RBFOX1: variants seen among roughly 807,000 people sequenced by gnomAD.
The protein encoded by RBFOX1 is RNA binding fox-1 homolog 1.
Under a neutral mutation model 57.7 loss-of-function variants are expected in RBFOX1, and 8 were observed. That is an observed-to-expected ratio of 0.14 (90% CI 0.08 to 0.25). The LOEUF (loss-of-function observed/expected upper bound fraction) is 0.25, where lower values mean the gene tolerates loss of function less well. Among genes scored for constraint, RBFOX1 ranks in the 10% least tolerant of loss-of-function variants. RBFOX1 has a pLI of 1.00. For synonymous variants in RBFOX1, 326 were observed against 222.4 expected, an observed-to-expected ratio of 1.47 and a Z score of -4.15; for missense variants, 611 against 548.5, an observed-to-expected ratio of 1.11 and a Z score of -1.14.
In RBFOX1 at chr16:7,262,878, T is replaced by G. The variant is rs916228676; in HGVS notation, c.27+210780T>G. Among the ~76,000 whole-genome samples, 71 of 152,366 alleles carry G rather than the reference T, an allele frequency of 4.7e-4. 1 individual carries two copies. Among genetic ancestry groups the G allele is most frequent in the African/African-American group, 1.7e-3 (69 of 41,588 alleles). ...TCATAGATAGGACAAGAGAGAAAAC[T>G]TGTGTTCTTATTTGAAAGCCACAGC... is the stretch of plus-strand genomic sequence containing the variant. On this transcript the variant is annotated intron_variant, in intron 4 of 15. Coordinates refer to ENST00000550418, the MANE Select transcript of RBFOX1 (RefSeq NM_018723.4).
intron 4 of RBFOX1, among the ~76,000 whole-genome samples, chr16:7,380,089 C>G (rs938385475): frequency 6.6e-6 from 1 of 152,078 alleles, no homozygotes; most frequent in Admixed American, 6.6e-5. Context: ...AACTCTTGGC[C>G]TCAAGTAGTC....
intron 3 of RBFOX1, among the ~76,000 whole-genome samples, chr16:5,645,631 G>A (rs1294637578): frequency 6.6e-6 from 1 of 152,092 alleles, no homozygotes; most frequent in Non-Finnish European, 1.5e-5. Flanking sequence ...AATTTCCTTG[G>A]GAAAGATTCT....
At chr16:7,406,567 A>G (rs1438315315) in intron 4 of RBFOX1, among the ~76,000 whole-genome samples, 3 of 152,332 alleles carry the variant, frequency 2.0e-5, no homozygotes, top group South Asian at 2.1e-4. Context: ...AGAAGGAAAA[A>G]CAATTAAAAA....
At chr16:7,611,163 C>G (rs1199717518) in intron 10 of RBFOX1, among the ~76,000 whole-genome samples, 1 of 152,164 alleles carries the variant, frequency 6.6e-6, no homozygotes, top group East Asian at 1.9e-4. Flanking sequence ...CCCGTTGTCT[C>G]TCAGAATGAG....
intron 4 of RBFOX1, among the ~76,000 whole-genome samples, chr16:7,478,940 T>C (rs2063301505): frequency 6.6e-6 from 1 of 152,048 alleles, no homozygotes; most frequent in Non-Finnish European, 1.5e-5. Context: ...TCATTTCGTT[T>C]GTTCCCGTGC....
At chr16:5,509,631 G>A (rs2043508551) in intron 2 of RBFOX1, among the ~76,000 whole-genome samples, 1 of 152,180 alleles carries the variant, frequency 6.6e-6, no homozygotes, top group Non-Finnish European at 1.5e-5. Flanking sequence ...CATTTTCCAG[G>A]GAAGGCATTT....
chr16:6,986,956 C>T (rs1389499701), intron 3 of RBFOX1, among the ~76,000 whole-genome samples: 2 of 152,138 alleles, frequency 1.3e-5, no homozygotes, highest in African/African-American at 2.4e-5. Context: ...GCATTCCCTA[C>T]CCATGCTTTC....
At chr16:6,042,261 C>T (rs142844409) in intron 1 of RBFOX1, among the ~76,000 whole-genome samples, 1 of 151,892 alleles carries the variant, frequency 6.6e-6, no homozygotes, top group South Asian at 2.1e-4. Context: ...CCACCATGCC[C>T]AGTTAATTTT....
chr16:5,287,291 G>A (rs1295780521), intron 1 of RBFOX1, among the ~76,000 whole-genome samples: 2 of 151,930 alleles, frequency 1.3e-5, no homozygotes, highest in Admixed American at 6.6e-5. Flanking sequence ...GGCAAAGAGT[G>A]AGACCCCGTT....
chr16:6,746,646 T>C (rs2073729200), intron 3 of RBFOX1, among the ~76,000 whole-genome samples: 1 of 151,988 alleles, frequency 6.6e-6, no homozygotes, highest in Non-Finnish European at 1.5e-5. Flanking sequence ...CCACTGCACT[T>C]CAGCCTGAGT....
At chr16:6,670,512 G>A (rs1308051943) in intron 3 of RBFOX1, among the ~76,000 whole-genome samples, 1 of 152,060 alleles carries the variant, frequency 6.6e-6, no homozygotes, top group African/African-American at 2.4e-5. Flanking sequence ...AAGAGCTAAG[G>A]ATATAACAGA....
chr16:6,563,524 A>C (rs752760843), intron 2 of RBFOX1, among the ~76,000 whole-genome samples: 15 of 152,104 alleles, frequency 9.9e-5, no homozygotes, highest in Non-Finnish European at 1.5e-5. Context: ...CCCAAGGAAA[A>C]TACTATGGTC....
chr16:5,950,656 C>A (rs552025205), intron 4 of RBFOX1, among the ~76,000 whole-genome samples: 1 of 152,332 alleles, frequency 6.6e-6, no homozygotes, highest in Non-Finnish European at 1.5e-5. Context: ...TTATTTTGCA[C>A]TTACCTGGCC....
chr16:7,173,341 C>G lies in RBFOX1; in HGVS notation c.27+121243C>G, dbSNP rs534606531. Among the ~76,000 whole-genome samples, 3 of 152,292 alleles carry G rather than the reference C, an allele frequency of 2.0e-5. No individual in the cohort carries two copies. In the South Asian group the frequency reaches 6.2e-4, roughly 32 times the overall value. The stretch of plus-strand genomic sequence containing the variant: ...AGCTGGAGCTCAGTGCCACCATCCA[C>G]AACAGATGTCCTTCCAAACTCCATT... On this transcript the variant is annotated intron_variant, in intron 4 of 15. Transcript: ENST00000550418.
At chr16:6,286,911 C>T (rs716508) in intron 1 of RBFOX1, among the ~76,000 whole-genome samples, 86,098 of 152,024 alleles carry the variant, frequency 0.57, 26,571 homozygotes, top group East Asian at 0.84. Flanking sequence ...CCATACATGG[C>T]AATATTTGCT....
At position 5,515,055 on chromosome 16, in the gene RBFOX1, C is replaced by T. The variant is rs76243464; in HGVS notation, c.258+47801C>T. On this transcript the variant is annotated intron_variant, in intron 2 of 2. Coordinates refer to the RBFOX1 transcript ENST00000585867. ...GCAAGGTCCCAGACTCTTTAACAAC[C>T]AACTCTCTAATGAATTTACAGAACA... Among the ~76,000 whole-genome samples, 1,330 of 152,216 alleles carry T rather than the reference C, an allele frequency of 8.7e-3. 9 individuals carry two copies. The highest frequency in any genetic ancestry group is 0.031 in the Middle Eastern group (9 of 294).
At chr16:6,660,532 A>G (rs374087861) in intron 3 of RBFOX1, among the ~76,000 whole-genome samples, 11 of 152,338 alleles carry the variant, frequency 7.2e-5, no homozygotes, top group African/African-American at 2.6e-4. Context: ...CAGAGTCTGT[A>G]CATAGCCTTT....
At chr16:5,245,673 C>T (rs1189214832) in intron 1 of RBFOX1, among the ~76,000 whole-genome samples, 3 of 152,234 alleles carry the variant, frequency 2.0e-5, no homozygotes, top group Non-Finnish European at 2.9e-5. Flanking sequence ...CTCAAGTGAT[C>T]GGCCCACCTT....
chr16:6,286,729 G>T (rs1302218601), intron 1 of RBFOX1, among the ~76,000 whole-genome samples: 1 of 152,114 alleles, frequency 6.6e-6, no homozygotes, highest in African/African-American at 2.4e-5. Context: ...ACAGGATACT[G>T]CACAGGCTCA....
Sources: gnomAD v4.1 joint callset for allele counts (sites outside exome capture counted in the v4.1 genomes callset) on GRCh38, gnomAD v4.1.1 for gene constraint, MANE v1.5 for transcripts, NCBI Gene and HGNC (gene_info 2026-07-23, HGNC 2026-07-21) for gene names.